Variants in ANKFN1 observed in about 807,000 individuals in gnomAD.
ANKFN1 encodes the protein ankyrin repeat and fibronectin type-III domain-containing protein 1.
A neutral mutation model predicts 108.7 loss-of-function variants in ANKFN1; 74 were observed. The ratio of observed to expected loss-of-function variants is 0.68; its 90% CI spans 0.56 to 0.83. ANKFN1 has a LOEUF of 0.83. Among genes scored for constraint, ANKFN1 ranks in the 40% least tolerant of loss-of-function variants. The pLI, the probability that ANKFN1 is intolerant of heterozygous loss-of-function variation, is 0.00. For missense variants in ANKFN1, 1,505 were observed against 1,382.3 expected (o/e 1.09, Z -1.41); for synonymous variants, 547 against 516.2 (o/e 1.06, Z -0.81).
intron 4 of ANKFN1, among the ~76,000 whole-genome samples, chr17:56,091,732 T>C (rs928017034): frequency 6.6e-6 from 1 of 151,502 alleles, no homozygotes; most frequent in Non-Finnish European, 1.5e-5. Flanking sequence ...ATGCTCAGGA[T>C]TGACCTAAGC....
intron 1 of ANKFN1, among the ~76,000 whole-genome samples, chr17:56,199,748 A>G (rs1913876411): frequency 6.6e-6 from 1 of 152,162 alleles, no homozygotes. Context: ...ATTTTCGATA[A>G]ACAACAAATA....
intron 4 of ANKFN1, among the ~76,000 whole-genome samples, chr17:56,115,391 C>A (rs75406704): frequency 6.6e-6 from 1 of 152,028 alleles, no homozygotes; most frequent in Non-Finnish European, 1.5e-5. Context: ...AAACAAAACA[C>A]ACAGAAGAAG....
At chr17:56,161,351 G>T (rs1309095921) in intron 1 of ANKFN1, among the ~76,000 whole-genome samples, 3 of 152,028 alleles carry the variant, frequency 2.0e-5, no homozygotes, top group African/African-American at 7.2e-5. Context: ...TACCTGAAGG[G>T]GTCCTAGTAA....
chr17:56,272,581 T>A (rs543592921), intron 3 of ANKFN1, among the ~76,000 whole-genome samples: 96 of 152,304 alleles, frequency 6.3e-4, no homozygotes, highest in African/African-American at 1.9e-3. Flanking sequence ...AATCCATCCA[T>A]GGACAATTTG....
intron 20 of ANKFN1, among the ~76,000 whole-genome samples, chr17:56,510,075 A>G (rs2051695011): frequency 6.6e-6 from 1 of 152,178 alleles, no homozygotes; most frequent in African/African-American, 2.4e-5. Flanking sequence ...CAAATGCAAA[A>G]ATCATCTCTG....
intron 1 of ANKFN1, among the ~76,000 whole-genome samples, chr17:56,169,867 C>T (rs953485702): frequency 6.6e-6 from 1 of 152,188 alleles, no homozygotes; most frequent in Non-Finnish European, 1.5e-5. Flanking sequence ...AAGAGCAAGT[C>T]CCCTAAGGCT....
chr17:56,298,812 T>C (rs2044592399), intron 3 of ANKFN1, among the ~76,000 whole-genome samples: 1 of 152,254 alleles, frequency 6.6e-6, no homozygotes, highest in African/African-American at 2.4e-5. Context: ...CTCAAAGCAT[T>C]TTTAACAACT....
chr17:56,305,341 C>T (rs1001618856), intron 3 of ANKFN1, among the ~76,000 whole-genome samples: 1 of 152,124 alleles, frequency 6.6e-6, no homozygotes, highest in Non-Finnish European at 1.5e-5. Flanking sequence ...TATCGTATGG[C>T]TTGAAAATAT....
intron 4 of ANKFN1, among the ~76,000 whole-genome samples, chr17:56,134,725 A>G (rs933852791): frequency 3.3e-5 from 5 of 152,194 alleles, no homozygotes; most frequent in African/African-American, 9.7e-5. Flanking sequence ...CTAATTAAGG[A>G]TGGCATAGCT....
intron 4 of ANKFN1, among the ~76,000 whole-genome samples, chr17:56,096,266 C>T (rs1905532175): frequency 6.6e-6 from 1 of 152,128 alleles, no homozygotes; most frequent in Admixed American, 6.5e-5. Flanking sequence ...TGTAAAATGA[C>T]CTGACCTATT....
Position 56,354,029 on chromosome 17 carries a change from C to T in ANKFN1, c.584C>T (p.Ala195Val), listed in dbSNP as rs2046314550. The T allele has an allele frequency of 6.2e-7, 1 of 1,613,762 alleles. No homozygotes were observed. ...PIARILLRTG[A>V]RESPHFVSLE... ...GCAAGGATTCTTCTGAGGACAGGGGCCCGAGAAAGTCCACACTGTAAGTAA... is the reference window on the plus strand; with the variant it reads ...GCAAGGATTCTTCTGAGGACAGGGGTCCGAGAAAGTCCACACTGTAAGTAA... The change falls in exon 6 of 21, where the codon GCC (alanine) becomes GTC (valine). Residue 195 changes from alanine (A) to valine (V), a missense_variant. Physicochemically the swap from Ala to Val is moderately conservative, Grantham distance 64 (BLOSUM62 0). Coordinates refer to ENST00000682825, the MANE Select transcript of ANKFN1 (RefSeq NM_001370326.1).
chr17:56,063,984 A>G (rs1396973649), intron 4 of ANKFN1, among the ~76,000 whole-genome samples: 2 of 152,028 alleles, frequency 1.3e-5, no homozygotes, highest in South Asian at 2.1e-4. Context: ...TTTTCTTTCA[A>G]TGGCCAGGTC....
chr17:56,092,266 ATTTTT>A (rs748898792), intron 4 of ANKFN1, among the ~76,000 whole-genome samples: 2 of 111,374 alleles, frequency 1.8e-5, no homozygotes, highest in Admixed American at 9.1e-5. Context: ...GTGAGGTAGT[ATTTTT>A]TTTTTTTTTT....
intron 9 of ANKFN1, among the ~76,000 whole-genome samples, chr17:56,441,494 A>G (rs1170116648): frequency 6.6e-6 from 1 of 152,172 alleles, no homozygotes; most frequent in Non-Finnish European, 1.5e-5. Flanking sequence ...ACTGTGGATT[A>G]CCAGAGCAAA....
intron 4 of ANKFN1, among the ~76,000 whole-genome samples, chr17:56,066,296 C>T (rs538041108): frequency 6.6e-6 from 1 of 152,278 alleles, no homozygotes; most frequent in Non-Finnish European, 1.5e-5. Flanking sequence ...AAGAAGAACC[C>T]CAGCTGAGCC....
At chr17:56,434,444 A>G (rs2048866861) in intron 8 of ANKFN1, among the ~76,000 whole-genome samples, 1 of 151,966 alleles carries the variant, frequency 6.6e-6, no homozygotes, top group African/African-American at 2.4e-5. Flanking sequence ...CCCTTAATTT[A>G]AATCATTGTT....
chr17:56,504,829 A>ATTT (rs5821133), intron 20 of ANKFN1, among the ~76,000 whole-genome samples: 7 of 116,468 alleles, frequency 6.0e-5, no homozygotes, highest in Non-Finnish European at 5.3e-5. Flanking sequence ...TAATTTTTGG[A>ATTT]TTTTTTTTTT....
At chr17:56,272,324 TTCCTGGGAACCACAA>T (rs2043814193) in intron 3 of ANKFN1, among the ~76,000 whole-genome samples, 1 of 152,196 alleles carries the variant, frequency 6.6e-6, no homozygotes, top group South Asian at 2.1e-4. Context: ...CTCCCCTCAG[TTCCTGGGAACCACAA>T]TTCTATTTTC....
Position 56,350,617 on chromosome 17 carries a change from T to TA in ANKFN1, c.189-142dup, listed in dbSNP as rs1252325258. 9.7e-6 allele frequency: 7 copies of TA among 718,986 alleles called. No homozygotes were observed. In the Admixed American group the frequency reaches 1.5e-4, roughly 15 times the overall value. 44.5% of individuals were successfully genotyped at this position (718,986 alleles called of 1,614,324 possible). On this transcript the variant is annotated intron_variant, in intron 4 of 20. Coordinates refer to ENST00000682825, the MANE Select transcript of ANKFN1 (RefSeq NM_001370326.1). ...GGTTTCAGCTTTCTCATTTAAAACATAAAAAAAGCTGGGTCTGATAATCTC... is the reference window on the plus strand; with the variant it reads ...GGTTTCAGCTTTCTCATTTAAAACATAAAAAAAAGCTGGGTCTGATAATCTC...
Sources: gnomAD v4.1 joint callset for allele counts (sites outside exome capture counted in the v4.1 genomes callset) on GRCh38, gnomAD v4.1.1 for gene constraint, MANE v1.5 for transcripts, NCBI Gene and HGNC (gene_info 2026-07-23, HGNC 2026-07-21) for gene names.